Variants in PCDH15 observed in about 807,000 individuals in gnomAD.
The protein encoded by PCDH15 is protocadherin-15.
A neutral mutation model predicts 178.5 loss-of-function variants in PCDH15; 129 were observed. The ratio of observed to expected loss-of-function variants is 0.72; its 90% CI spans 0.63 to 0.84. PCDH15 has a LOEUF of 0.84. PCDH15 is among the 40% of genes least tolerant of loss of function. PCDH15 has a pLI of 0.00. For synonymous variants in PCDH15, 800 were observed against 732.0 expected (o/e 1.09, Z -1.50); for missense variants, 2,230 against 2,099.9 (o/e 1.06, Z -1.21).
At chr10:55,410,189 A>T (rs1838298219) in intron 2 of PCDH15, among the ~76,000 whole-genome samples, 1 of 152,144 alleles carries the variant, frequency 6.6e-6, no homozygotes, top group South Asian at 2.1e-4. Flanking sequence ...CATATCACAT[A>T]AAGCCATTAA....
chr10:55,604,125 A>G (rs1843151127), intron 2 of PCDH15, among the ~76,000 whole-genome samples: 1 of 103,130 alleles, frequency 9.7e-6, no homozygotes, highest in Admixed American at 1.0e-4. Flanking sequence ...CTTTAAACCA[A>G]CAAAGATCAA....
chr10:53,812,639 T>G (rs1282989356), intron 35 of PCDH15, among the ~76,000 whole-genome samples: 1 of 152,196 alleles, frequency 6.6e-6, no homozygotes, highest in African/African-American at 2.4e-5. Flanking sequence ...AAAGATGTTT[T>G]TCTTGAGATA....
chr10:55,050,210 G>C (rs1056600901), intron 2 of PCDH15, among the ~76,000 whole-genome samples: 19 of 131,202 alleles, frequency 1.4e-4, no homozygotes, highest in African/African-American at 5.2e-4. Flanking sequence ...GAGCTTTCAG[G>C]GTTAGAAGTC....
At chr10:54,608,971 A>G (rs2092866226) in intron 2 of PCDH15, among the ~76,000 whole-genome samples, 1 of 152,098 alleles carries the variant, frequency 6.6e-6, no homozygotes, top group African/African-American at 2.4e-5. Context: ...GTATGTGAGC[A>G]AAATATTATT....
chr10:55,084,408 A>T (rs1480008332), intron 2 of PCDH15, among the ~76,000 whole-genome samples: 1 of 151,736 alleles, frequency 6.6e-6, no homozygotes, highest in East Asian at 1.9e-4. Flanking sequence ...CTCTTGCCAT[A>T]TATGAGAATC....
chr10:53,823,447 T>C (rs1564541420), intron 32 of PCDH15: 3 of 1,205,058 alleles, frequency 2.5e-6, no homozygotes, highest in Non-Finnish European at 3.7e-6. Flanking sequence ...CTCATTACTA[T>C]TAAATACTTA....
chr10:55,511,150 G>A (rs1840877068), intron 2 of PCDH15, among the ~76,000 whole-genome samples: 2 of 151,674 alleles, frequency 1.3e-5, no homozygotes, highest in Admixed American at 6.6e-5. Flanking sequence ...TGGGATTACA[G>A]GCATGAGTCA....
chr10:54,399,836 C>G (rs1951717043), intron 3 of PCDH15, among the ~76,000 whole-genome samples: 1 of 152,110 alleles, frequency 6.6e-6, no homozygotes, highest in South Asian at 2.1e-4. Flanking sequence ...TTGCCAGAAA[C>G]AGCTATCCAA....
intron 2 of PCDH15, among the ~76,000 whole-genome samples, chr10:55,413,805 TA>T (rs939636414): frequency 5.9e-5 from 9 of 151,596 alleles, no homozygotes; most frequent in South Asian, 2.1e-4. Flanking sequence ...AGCTCGGAAA[TA>T]TTTTTTTTAG....
At position 55,296,559 on chromosome 10, in the gene PCDH15, T is replaced by C. The variant is rs546766516; in HGVS notation, c.-156+23040A>G. Among the ~76,000 whole-genome samples, 13 of 152,276 alleles carry C rather than the reference T, an allele frequency of 8.5e-5. No homozygotes were observed. In the South Asian group the frequency reaches 1.7e-3, roughly 19 times the overall value. On this transcript the variant is annotated intron_variant, in intron 1 of 5. Coordinates refer to the PCDH15 transcript ENST00000458638. ...AAGACCAAGTATTATAACAAAAGATTTTCCCATTACTCCTATTATTCAGGA... is the reference window on the plus strand; with the variant it reads ...AAGACCAAGTATTATAACAAAAGATCTTCCCATTACTCCTATTATTCAGGA...
intron 2 of PCDH15, among the ~76,000 whole-genome samples, chr10:55,618,155 T>C (rs897696916): frequency 1.2e-4 from 18 of 152,084 alleles, no homozygotes; most frequent in African/African-American, 4.3e-4. Flanking sequence ...TATTAAATTA[T>C]AGCTACTTGA....
intron 2 of PCDH15, among the ~76,000 whole-genome samples, chr10:55,535,568 A>G (rs1841558586): frequency 6.6e-6 from 1 of 152,068 alleles, no homozygotes; most frequent in African/African-American, 2.4e-5. Context: ...TTTATGGGTT[A>G]AAATGGAGTC....
intron 2 of PCDH15, among the ~76,000 whole-genome samples, chr10:54,652,970 A>G (rs973901462): frequency 6.6e-6 from 1 of 152,246 alleles, no homozygotes; most frequent in Non-Finnish European, 1.5e-5. Context: ...TATTAAGAAT[A>G]CAAACAAAAC....
intron 18 of PCDH15, among the ~76,000 whole-genome samples, chr10:54,064,549 CTGTT>C (rs1244294091): frequency 2.6e-5 from 4 of 152,108 alleles, no homozygotes; most frequent in African/African-American, 9.7e-5. Context: ...GGTGCCCAGG[CTGTT>C]TATGAGGAGA....
intron 2 of PCDH15, among the ~76,000 whole-genome samples, chr10:55,567,950 C>G (rs554422263): frequency 2.0e-5 from 3 of 151,696 alleles, no homozygotes; most frequent in African/African-American, 7.2e-5. Flanking sequence ...AACATAAAAC[C>G]CTTGTGCACT....
chr10:55,464,486 G>A (rs16907446), intron 2 of PCDH15, among the ~76,000 whole-genome samples: 5,940 of 151,912 alleles, frequency 0.039, 360 homozygotes, highest in East Asian at 0.28. Flanking sequence ...TGGGTCCACC[G>A]AGGAGGTTTT....
chr10:55,504,512 A>G (rs1361609561), intron 2 of PCDH15, among the ~76,000 whole-genome samples: 2 of 151,400 alleles, frequency 1.3e-5, no homozygotes, highest in Non-Finnish European at 3.0e-5. Context: ...TTTAATTACC[A>G]GTACATCCAT....
chr10:54,597,271 CAT>C (rs796909116), intron 2 of PCDH15, among the ~76,000 whole-genome samples: 9 of 152,064 alleles, frequency 5.9e-5, no homozygotes, highest in African/African-American at 2.2e-4. Context: ...GCACAATAAA[CAT>C]AGAATTGAAG....
chr10:55,137,320 T>C (rs1222821172), intron 2 of PCDH15, among the ~76,000 whole-genome samples: 1 of 152,158 alleles, frequency 6.6e-6, no homozygotes, highest in Non-Finnish European at 1.5e-5. Flanking sequence ...ATACTTACCA[T>C]TGTGTTACAA....
Sources: allele counts gnomAD v4.1 joint callset (sites outside exome capture counted in the v4.1 genomes callset), GRCh38; gene constraint gnomAD v4.1.1; transcripts MANE v1.5; gene names NCBI Gene and HGNC (gene_info 2026-07-23, HGNC 2026-07-21).